The following SYTL5 variants were observed in gnomAD, a reference collection of about 807,000 sequenced individuals.
SYTL5 encodes synaptotagmin-like protein 5.
In SYTL5, 34 loss-of-function variants were observed where a neutral mutation model predicts 55.9. That is an observed-to-expected ratio of 0.61 (90% confidence interval 0.46 to 0.81). The LOEUF (loss-of-function observed/expected upper bound fraction) is 0.81. SYTL5 is among the 30% of genes least tolerant of loss of function. SYTL5 has a pLI of 0.00. For missense variants in SYTL5, 637 were observed against 546.7 expected, an observed-to-expected ratio of 1.17 and a Z score of -1.65; for synonymous variants, 221 against 188.7, an observed-to-expected ratio of 1.17 and a Z score of -1.40.
At chrX:37,953,313 G>T in the SYTL5 span, among the ~76,000 whole-genome samples, 2 of 110,949 alleles carry the variant, frequency 1.8e-5, no homozygotes, top group Non-Finnish European at 3.8e-5. Flanking sequence ...AGGATGAAAT[G>T]AATATAATAG....
At chrX:38,075,247 C>T (rs1936360045) in intron 5 of SYTL5, among the ~76,000 whole-genome samples, 1 of 111,554 alleles carries the variant, frequency 9.0e-6, no homozygotes, top group Non-Finnish European at 1.9e-5. Flanking sequence ...TGATTGTTCT[C>T]AGTCATCAAG....
At chrX:38,034,880 G>T (rs181924677) in intron 2 of SYTL5, among the ~76,000 whole-genome samples, 123 of 112,232 alleles carry the variant, frequency 1.1e-3, no homozygotes, top group African/African-American at 3.8e-3. Context: ...AGCAGAAATA[G>T]TGTTCCTTCC....
chrX:38,102,822 G>C lies in SYTL5; in HGVS notation c.1155+388G>C, dbSNP rs1352283245. Reference sequence around the variant, plus strand: ...TTATCCTAAAACACATGCCCAATCAGGTCTGTCTTCTACTCAAAACCCATC... The same window carrying C: ...TTATCCTAAAACACATGCCCAATCACGTCTGTCTTCTACTCAAAACCCATC... On this transcript the variant is annotated intron_variant, in intron 10 of 16. Coordinates refer to ENST00000297875, the MANE Select transcript of SYTL5 (RefSeq NM_138780.3). Among the ~76,000 whole-genome samples, 4 of 111,792 alleles carry C rather than the reference G, an allele frequency of 3.6e-5. No homozygotes were observed. In the South Asian group the frequency reaches 1.5e-3, roughly 42 times the overall value.
chrX:37,975,280 T>C, the SYTL5 span, among the ~76,000 whole-genome samples: 1 of 111,761 alleles, frequency 8.9e-6, no homozygotes, highest in African/African-American at 3.3e-5. Flanking sequence ...CCAGGGACAT[T>C]AGCTTTCCAC....
chrX:38,103,065 A>G, intron 10 of SYTL5: 11 of 1,160,754 alleles, frequency 9.5e-6, no homozygotes, highest in Non-Finnish European at 1.3e-5. Flanking sequence ...GACCTACCTA[A>G]ATGTGCCTGA....
At chrX:37,982,507 G>T in the SYTL5 span, among the ~76,000 whole-genome samples, 1 of 112,379 alleles carries the variant, frequency 8.9e-6, no homozygotes, top group African/African-American at 3.2e-5. Flanking sequence ...ACAGAGCACT[G>T]GTAAAGGTAA....
At chrX:38,117,689 A>G (rs760453604) in intron 13 of SYTL5, among the ~76,000 whole-genome samples, 221 of 111,802 alleles carry the variant, frequency 2.0e-3, no homozygotes, top group African/African-American at 6.8e-3. Flanking sequence ...AACTGCATTG[A>G]TTGTTCGAGT....
the SYTL5 span, among the ~76,000 whole-genome samples, chrX:37,953,065 C>A: frequency 9.0e-6 from 1 of 111,397 alleles, no homozygotes; most frequent in African/African-American, 3.3e-5. Context: ...TTTATATTCA[C>A]TCTGGAGCGA....
the SYTL5 span, among the ~76,000 whole-genome samples, chrX:37,933,575 C>G: frequency 8.9e-6 from 1 of 112,104 alleles, no homozygotes; most frequent in Non-Finnish European, 1.9e-5. Flanking sequence ...AAAGCTTTTT[C>G]TTCAGAGAAT....
chrX:38,095,350 A>C (rs749477013), intron 8 of SYTL5, among the ~76,000 whole-genome samples: 1 of 112,070 alleles, frequency 8.9e-6, no homozygotes, highest in East Asian at 2.8e-4. Flanking sequence ...TGTCAGGCCT[A>C]TGCTAAGTAC....
the SYTL5 span, chrX:37,994,698 GAGGAGGAGGAGA>G: frequency 9.0e-6 from 1 of 110,537 alleles, no homozygotes; most frequent in East Asian, 2.8e-4. Context: ...GGAAGAGGAG[GAGGAGGAGGAGA>G]AGGAGGAGGA....
At chrX:38,007,510 A>G (rs777569667) in intron 1 of SYTL5, among the ~76,000 whole-genome samples, 1 of 111,930 alleles carries the variant, frequency 8.9e-6, no homozygotes, top group East Asian at 2.8e-4. Flanking sequence ...CAGGAGTTAT[A>G]TATTTATAGC....
chrX:37,956,145 A>T, the SYTL5 span, among the ~76,000 whole-genome samples: 2 of 112,225 alleles, frequency 1.8e-5, no homozygotes, highest in East Asian at 5.5e-4. Context: ...GAGATTTTAG[A>T]ATTCTACATC....
the SYTL5 span, among the ~76,000 whole-genome samples, chrX:37,974,320 A>G: frequency 8.9e-6 from 1 of 112,484 alleles, no homozygotes; most frequent in Non-Finnish European, 1.9e-5. Flanking sequence ...TCGTAAGTGA[A>G]TAAAGCCAGT....
At chrX:38,109,106 A>G (rs1189435816) in intron 12 of SYTL5, among the ~76,000 whole-genome samples, 1 of 112,275 alleles carries the variant, frequency 8.9e-6, no homozygotes, top group Non-Finnish European at 1.9e-5. Flanking sequence ...GCATAGGTCT[A>G]TACTGTTTGT....
At chrX:37,979,403 C>A in the SYTL5 span, among the ~76,000 whole-genome samples, 14 of 106,841 alleles carry the variant, frequency 1.3e-4, no homozygotes, top group East Asian at 4.1e-3. Flanking sequence ...CTATCTGCTT[C>A]TGAACAAAAG....
the SYTL5 span, among the ~76,000 whole-genome samples, chrX:37,907,027 T>A: frequency 8.9e-6 from 1 of 112,179 alleles, no homozygotes; most frequent in Non-Finnish European, 1.9e-5. Flanking sequence ...ATTAAGTAAA[T>A]ACTAATTATT....
chrX:37,915,382 C>A, the SYTL5 span, among the ~76,000 whole-genome samples: 2 of 111,721 alleles, frequency 1.8e-5, no homozygotes, highest in South Asian at 7.5e-4. Flanking sequence ...CGGTGACCTC[C>A]TTATCAGAAT....
At chrX:38,049,746 A>G (rs1935573191) in intron 2 of SYTL5, among the ~76,000 whole-genome samples, 1 of 112,317 alleles carries the variant, frequency 8.9e-6, no homozygotes, top group Non-Finnish European at 1.9e-5. Context: ...CCACTAATAA[A>G]GAAGAAAGGG....
Sources: allele counts gnomAD v4.1 joint callset (sites outside exome capture counted in the v4.1 genomes callset), GRCh38; gene constraint gnomAD v4.1.1; transcripts MANE v1.5; gene names NCBI Gene and HGNC (gene_info 2026-07-23, HGNC 2026-07-21).